CTBP2: variants seen among roughly 807,000 people sequenced by gnomAD.
CTBP2 encodes C-terminal binding protein 2.
A neutral mutation model predicts 80.3 loss-of-function variants in CTBP2; 30 were observed. The ratio of observed to expected loss-of-function variants is 0.37; its 90% CI spans 0.28 to 0.51. The LOEUF (loss-of-function observed/expected upper bound fraction) is 0.51, where lower values mean the gene tolerates loss of function less well. CTBP2 is among the 20% of genes least tolerant of loss of function. CTBP2 has a pLI of 0.93. For missense variants in CTBP2, 1,212 were observed against 1,375.3 expected, an observed-to-expected ratio of 0.88 and a Z score of 1.88; for synonymous variants, 594 against 587.4, an observed-to-expected ratio of 1.01 and a Z score of -0.16.
At chr10:124,993,783 GT>G in intron 6 of CTBP2, 71 bp downstream of exon 8, 1 of 1,532,676 alleles carries the variant, frequency 6.5e-7, no homozygotes, top group Non-Finnish European at 8.8e-7. Flanking sequence ...AGGGCCTCGA[GT>G]TCAAAGTGTG....
intron 1 of CTBP2, among the ~76,000 whole-genome samples, chr10:125,116,544 G>A (rs112749452): frequency 6.6e-6 from 1 of 152,104 alleles, no homozygotes; most frequent in South Asian, 2.1e-4. Context: ...ATCAGAAGCC[G>A]AGCTAAAGCC....
intron 2 of CTBP2, among the ~76,000 whole-genome samples, chr10:125,075,944 A>T (rs1370793640): frequency 1.3e-5 from 2 of 152,232 alleles, no homozygotes; most frequent in Non-Finnish European, 2.9e-5. Context: ...TGCTCAACAG[A>T]CATGCGTGTA....
chr10:125,138,126 C>CA (rs776290962), intron 1 of CTBP2: 5 of 152,338 alleles, frequency 3.3e-5, no homozygotes, highest in South Asian at 2.1e-4. Context: ...CATGAGGAAA[C>CA]AAAGTCCAGG....
At chr10:125,089,704 G>A (rs991572763) in intron 2 of CTBP2, among the ~76,000 whole-genome samples, 5 of 152,200 alleles carry the variant, frequency 3.3e-5, no homozygotes, top group African/African-American at 7.2e-5. Flanking sequence ...TTCCAGGACT[G>A]AACTACACAT....
chr10:125,139,233 T>C (rs80195828), intron 1 of CTBP2, among the ~76,000 whole-genome samples: 13,291 of 151,850 alleles, frequency 0.088, 683 homozygotes, highest in Admixed American at 0.13. Context: ...TAGCCGGGTG[T>C]GGTGGCGCAC....
Position 124,990,102 on chromosome 10 carries a change from G to A in CTBP2, c.2778-404C>T, listed in dbSNP as rs116043392. Among the ~76,000 whole-genome samples the A allele has an allele frequency of 8.0e-3, 1,202 of 150,130 alleles. 8 individuals carry two copies. The highest frequency in any genetic ancestry group is 0.028 in the African/African-American group (1,154 of 40,702). ...TGTCGCCAGTCTGGAGTGCAGTGGC[G>A]TGAGCAATCTCAGCCCACTGCAACC... On this transcript the variant is annotated intron_variant, in intron 8 of 8. Transcript: ENST00000309035.
intron 1 of CTBP2, among the ~76,000 whole-genome samples, chr10:125,125,780 A>G (rs1208363995): frequency 6.6e-6 from 1 of 152,208 alleles, no homozygotes; most frequent in African/African-American, 2.4e-5. Flanking sequence ...GATGACAGCA[A>G]AAACAGCAGA....
chr10:125,097,386 T>C (rs1306406031), intron 2 of CTBP2, among the ~76,000 whole-genome samples: 1 of 152,200 alleles, frequency 6.6e-6, no homozygotes, highest in Admixed American at 6.5e-5. Context: ...ACAGTCTAAT[T>C]ATCCCAACAC....
rs1952081058 is a variant in CTBP2, at chr10:124,987,408, A to C, written c.*2110T>G. On this transcript the variant is annotated 3_prime_UTR_variant, in exon 9 of 9. Coordinates refer to ENST00000309035, the MANE Select transcript of CTBP2 (RefSeq NM_022802.3). ...TTTGTTTGGGCGACCAAGATCTAAT[A>C]ATTAAAACCCAGGTGGACCATGGAT... is the stretch of plus-strand genomic sequence containing the variant. The C allele has an allele frequency of 6.6e-6, 1 of 151,984 alleles. No homozygotes were observed. Among genetic ancestry groups the C allele is most frequent in the African/African-American group, 2.4e-5 (1 of 41,376 alleles). The allele number at this position is 151,984 out of a possible 1,614,324, so 9.4% of individuals were successfully genotyped here.
intron 3 of CTBP2, chr10:125,000,301 C>T (rs980946605): frequency 1.3e-5 from 2 of 152,214 alleles, no homozygotes; most frequent in South Asian, 2.1e-4. Context: ...TGTCCTCTAT[C>T]GCTCTGTGGA....
intron 2 of CTBP2, among the ~76,000 whole-genome samples, chr10:125,089,398 A>C (rs1848448009): frequency 6.6e-6 from 1 of 152,230 alleles, no homozygotes; most frequent in African/African-American, 2.4e-5. Flanking sequence ...ACTGGATGAC[A>C]GTTGAACTTC....
Position 125,066,265 on chromosome 10 carries a change from C to T in CTBP2, c.-101-27110G>A, listed in dbSNP as rs2919289. ...AGGCAGCCACCCCTCTACCAAGCCA[C>T]ATCCCAAATCCTAACCCCAGCAGAG... On this transcript the variant is annotated intron_variant, in intron 2 of 10. Coordinates refer to the CTBP2 transcript ENST00000337195. The surrounding 1 kb of genome is among the most constrained non-coding windows in gnomAD (Gnocchi z 4.1). 0.15 allele frequency among the ~76,000 whole-genome samples: 22,914 copies of T among 151,912 alleles called. 1,850 individuals are homozygous for T. The highest frequency in any genetic ancestry group is 0.21 in the East Asian group (1,076 of 5,130).
chr10:125,069,706 G>A (rs1025396632), intron 2 of CTBP2, among the ~76,000 whole-genome samples: 5 of 152,122 alleles, frequency 3.3e-5, no homozygotes, highest in Non-Finnish European at 2.9e-5. Context: ...GCCAGGACAC[G>A]GTCATTTCTG....
chr10:125,062,361 G>A (rs1965136486), intron 2 of CTBP2, among the ~76,000 whole-genome samples: 1 of 152,226 alleles, frequency 6.6e-6, no homozygotes, highest in Non-Finnish European at 1.5e-5. Context: ...CTAGTAGGGT[G>A]TGTCTGTAAG....
chr10:125,037,710 A>C (rs899569514), intron 3 of CTBP2, among the ~76,000 whole-genome samples: 2 of 152,216 alleles, frequency 1.3e-5, no homozygotes, highest in Non-Finnish European at 2.9e-5. Flanking sequence ...CCTATACTAG[A>C]CAATACTGTC....
upstream of CTBP2, chr10:125,028,103 T>G: frequency 4.0e-6 from 1 of 248,926 alleles, no homozygotes; most frequent in Non-Finnish European, 7.6e-6. Context: ...GCATGCGGAT[T>G]AGGAGCTAAA....
At position 125,027,986 on chromosome 10, in the gene CTBP2, G is replaced by C; in HGVS notation, c.-227C>G. The C allele has an allele frequency of 7.8e-7, 1 of 1,278,130 alleles. No individual in the cohort carries two copies. Among genetic ancestry groups the C allele is most frequent in the Non-Finnish European group, 1.0e-6 (1 of 982,806 alleles). The allele number at this position is 1,278,130 out of a possible 1,614,324, so 79.2% of individuals were successfully genotyped here. A position where few individuals can be genotyped will look rare whatever the true frequency, so the allele number is the denominator to read the frequency against. Reference sequence around the variant, plus strand: ...AACTTTGCCTCACTCCCCAACGATAGCCAGAGAGGTCTGTTCCTTACAGCT... The same window carrying C: ...AACTTTGCCTCACTCCCCAACGATACCCAGAGAGGTCTGTTCCTTACAGCT... On this transcript the variant is annotated 5_prime_UTR_variant, in exon 1 of 9. Transcript: ENST00000309035.
chr10:125,099,282 C>T (rs1214050920), intron 2 of CTBP2, among the ~76,000 whole-genome samples: 1 of 152,234 alleles, frequency 6.6e-6, no homozygotes, highest in African/African-American at 2.4e-5. Context: ...AATACCTCAA[C>T]CTTGTAAGGC....
chr10:125,124,418 C>T (rs566667010), intron 1 of CTBP2, among the ~76,000 whole-genome samples: 3 of 151,730 alleles, frequency 2.0e-5, no homozygotes, highest in East Asian at 2.0e-4. Flanking sequence ...CAAGGTTCCA[C>T]GTTTTTTCAG....
Sources: gnomAD v4.1 joint callset for allele counts (sites outside exome capture counted in the v4.1 genomes callset) on GRCh38, gnomAD v4.1.1 for gene constraint, Gnocchi (gnomAD v3.1) non-coding constraint, MANE v1.5 for transcripts, NCBI Gene and HGNC (gene_info 2026-07-23, HGNC 2026-07-21) for gene names.